PCCA: variants seen among roughly 807,000 people sequenced by gnomAD.
PCCA encodes propionyl-CoA carboxylase alpha chain, mitochondrial.
In PCCA, 74 loss-of-function variants were observed where a neutral mutation model predicts 101.3. The observed-to-expected ratio is 0.73, with a 90% CI of 0.61 to 0.89. The LOEUF (loss-of-function observed/expected upper bound fraction) is 0.89. PCCA is among the 40% of genes least tolerant of loss of function. The probability of loss-of-function intolerance (pLI) is 0.00; values close to 1 mark genes in which losing one functional copy is unlikely to be tolerated. For missense variants in PCCA, 891 were observed against 907.0 expected (o/e 0.98, Z 0.23); for synonymous variants, 294 against 313.6 (o/e 0.94, Z 0.66).
intron 18 of PCCA, among the ~76,000 whole-genome samples, chr13:100,362,389 T>G (rs910473661): frequency 1.3e-5 from 2 of 152,246 alleles, no homozygotes; most frequent in East Asian, 3.9e-4. Context: ...AGCATTTATG[T>G]GCCAAACACT....
intron 7 of PCCA, among the ~76,000 whole-genome samples, chr13:100,226,716 A>C (rs1182030339): frequency 6.6e-6 from 1 of 152,152 alleles, no homozygotes; most frequent in East Asian, 1.9e-4. Flanking sequence ...ATGACACAGG[A>C]TATAACAAGT....
In PCCA at chr13:100,247,262, G is replaced by A. The variant is rs57277525; in HGVS notation, c.638-10333G>A. ...AGACAGAGTCTCACTCTGTCGCCCA[G>A]ACGGGAGTACAGTGGCATGATCTCG... On this transcript the variant is annotated intron_variant, in intron 8 of 23. Coordinates refer to ENST00000376285, the MANE Select transcript of PCCA (RefSeq NM_000282.4). Among the ~76,000 whole-genome samples the A allele has an allele frequency of 3.7e-3, 504 of 136,586 alleles. 4 individuals are homozygous for A. The highest frequency in any genetic ancestry group is 0.014 in the African/African-American group (487 of 35,496). 89.6% of individuals were successfully genotyped at this position (136,586 alleles called of 152,430 possible). A position where few individuals can be genotyped will look rare whatever the true frequency, so the allele number is the denominator to read the frequency against.
chr13:100,354,288 G>GGA (rs1201237921), intron 18 of PCCA, among the ~76,000 whole-genome samples: 31 of 128,922 alleles, frequency 2.4e-4, no homozygotes, highest in South Asian at 2.2e-3. Flanking sequence ...AAAGAAAGAA[G>GGA]GAGAGAGAGA....
chr13:100,306,316 A>G (rs904302147), intron 14 of PCCA, among the ~76,000 whole-genome samples: 1 of 152,228 alleles, frequency 6.6e-6, no homozygotes, highest in Non-Finnish European at 1.5e-5. Flanking sequence ...GCTTTGATTC[A>G]GTTCCTCCAT....
intron 18 of PCCA, among the ~76,000 whole-genome samples, chr13:100,368,215 A>T (rs576988315): frequency 1.7e-4 from 26 of 152,042 alleles, no homozygotes; most frequent in Middle Eastern, 3.4e-3. Flanking sequence ...ATTTTTTTTT[A>T]AAAAAACCAT....
intron 6 of PCCA, among the ~76,000 whole-genome samples, chr13:100,208,300 C>T (rs1369841579): frequency 6.6e-6 from 1 of 152,178 alleles, no homozygotes; most frequent in African/African-American, 2.4e-5. Context: ...CCCTGGTCAC[C>T]AGGAGAATGA....
At chr13:100,219,278 G>A (rs1214593016) in intron 7 of PCCA, among the ~76,000 whole-genome samples, 3 of 152,116 alleles carry the variant, frequency 2.0e-5, no homozygotes, top group African/African-American at 7.2e-5. Context: ...GATGAGGAAT[G>A]TTGCCTTTTT....
chr13:100,476,446 A>T (rs933677913), intron 21 of PCCA, among the ~76,000 whole-genome samples: 3 of 152,218 alleles, frequency 2.0e-5, no homozygotes, highest in Admixed American at 6.5e-5. Flanking sequence ...CACTGTATTT[A>T]ATTAGCACTA....
At chr13:100,274,881 A>T (rs971548967) in intron 12 of PCCA, among the ~76,000 whole-genome samples, 1 of 152,146 alleles carries the variant, frequency 6.6e-6, no homozygotes, top group African/African-American at 2.4e-5. Context: ...TTCAAAAAAC[A>T]CATATGGCCT....
chr13:100,421,138 T>C (rs1595840499), intron 19 of PCCA, among the ~76,000 whole-genome samples: 1 of 150,446 alleles, frequency 6.6e-6, no homozygotes, highest in Non-Finnish European at 1.5e-5. Flanking sequence ...ACCCGGGAGG[T>C]GGACGGAGGT....
intron 18 of PCCA, among the ~76,000 whole-genome samples, chr13:100,365,873 G>T (rs866597611): frequency 7.9e-5 from 12 of 152,212 alleles, no homozygotes; most frequent in African/African-American, 2.9e-4. Context: ...TCCGGGTTTT[G>T]TGTCAGCTTC....
intron 22 of PCCA, among the ~76,000 whole-genome samples, chr13:100,519,202 A>T (rs2087050806): frequency 6.6e-6 from 1 of 152,248 alleles, no homozygotes; most frequent in Admixed American, 6.5e-5. Context: ...CACCAAACAA[A>T]TGAGAAACAA....
At chr13:100,388,400 G>A (rs1251376697) in intron 19 of PCCA, among the ~76,000 whole-genome samples, 1 of 152,128 alleles carries the variant, frequency 6.6e-6, no homozygotes, top group Non-Finnish European at 1.5e-5. Context: ...GGAGGTCAAG[G>A]CTGCAGTGAG....
At chr13:100,204,790 T>C (rs1476724141) in intron 6 of PCCA, among the ~76,000 whole-genome samples, 1 of 152,184 alleles carries the variant, frequency 6.6e-6, no homozygotes, top group African/African-American at 2.4e-5. Flanking sequence ...TTTTCATAAT[T>C]TCTTTCTCTT....
intron 11 of PCCA, among the ~76,000 whole-genome samples, chr13:100,270,889 G>A (rs2063269668): frequency 6.6e-6 from 1 of 151,962 alleles, no homozygotes; most frequent in Admixed American, 6.6e-5. Flanking sequence ...TATGCCTATA[G>A]TTCCAGCTAC....
At chr13:100,374,662 A>T (rs546604900) in intron 19 of PCCA, among the ~76,000 whole-genome samples, 53 of 152,332 alleles carry the variant, frequency 3.5e-4, no homozygotes, top group Middle Eastern at 3.4e-3. Flanking sequence ...AATGTATAAG[A>T]AAATTAGTTA....
intron 6 of PCCA, among the ~76,000 whole-genome samples, chr13:100,189,869 T>G (rs569080092): frequency 6.6e-6 from 1 of 152,352 alleles, no homozygotes; most frequent in African/African-American, 2.4e-5. Context: ...ATTTCTAGAC[T>G]GTCCTCTCAC....
intron 8 of PCCA, among the ~76,000 whole-genome samples, chr13:100,244,389 T>C (rs2061322526): frequency 6.6e-6 from 1 of 152,214 alleles, no homozygotes; most frequent in Non-Finnish European, 1.5e-5. Flanking sequence ...CATGCACATT[T>C]GGGTTTAAGC....
intron 19 of PCCA, among the ~76,000 whole-genome samples, chr13:100,380,446 T>C (rs7998648): frequency 0.033 from 5,005 of 152,254 alleles, 291 homozygotes; most frequent in African/African-American, 0.11. Flanking sequence ...ACAAACAGCC[T>C]TGTAATCAAA....
Sources: gnomAD v4.1 joint callset for allele counts (sites outside exome capture counted in the v4.1 genomes callset) on GRCh38, gnomAD v4.1.1 for gene constraint, MANE v1.5 for transcripts, NCBI Gene and HGNC (gene_info 2026-07-23, HGNC 2026-07-21) for gene names.